The following LYPLAL1 variants were observed in gnomAD, a reference collection of about 807,000 sequenced individuals.
LYPLAL1 encodes the protein lysophospholipase-like protein 1.
LYPLAL1 carries 23 observed loss-of-function variants against 19.7 expected under a neutral mutation model. The ratio of observed to expected loss-of-function variants is 1.17; its 90% confidence interval spans 0.84 to 1.65. The LOEUF is 1.65. Among genes scored for constraint, LYPLAL1 ranks in the 40% most tolerant of loss-of-function variants. The probability of loss-of-function intolerance (pLI) is 0.00; values close to 1 mark genes in which losing one functional copy is unlikely to be tolerated. For synonymous variants in LYPLAL1, 119 were observed against 96.3 expected, an observed-to-expected ratio of 1.24 and a Z score of -1.38; for missense variants, 355 against 279.4, an observed-to-expected ratio of 1.27 and a Z score of -1.93.
the LYPLAL1 span, among the ~76,000 whole-genome samples, chr1:219,321,865 T>C: frequency 6.6e-6 from 1 of 152,186 alleles, no homozygotes; most frequent in Non-Finnish European, 1.5e-5. Context: ...CCTTTTTTAC[T>C]GGGTAATATA....
chr1:219,403,602 T>G, the LYPLAL1 span, among the ~76,000 whole-genome samples: 1 of 152,036 alleles, frequency 6.6e-6, no homozygotes, highest in Admixed American at 6.6e-5. Context: ...GTGGGGAGAT[T>G]TTGAGTAGAA....
chr1:219,363,056 A>G, the LYPLAL1 span, among the ~76,000 whole-genome samples: 2 of 152,168 alleles, frequency 1.3e-5, no homozygotes, highest in African/African-American at 4.8e-5. Flanking sequence ...CACCGTCTTC[A>G]TTGTTTTTAA....
At chr1:219,194,344 T>A (rs1380212285) in intron 3 of LYPLAL1, among the ~76,000 whole-genome samples, 2 of 151,570 alleles carry the variant, frequency 1.3e-5, no homozygotes, top group Non-Finnish European at 3.0e-5. Context: ...TATGAAGTAG[T>A]TAGAAGATAG....
the LYPLAL1 span, among the ~76,000 whole-genome samples, chr1:219,279,728 A>G: frequency 2.6e-5 from 4 of 152,206 alleles, no homozygotes; most frequent in African/African-American, 7.2e-5. Flanking sequence ...TAATTGTAGC[A>G]TGGCCATCCT....
chr1:219,362,989 T>C, the LYPLAL1 span, among the ~76,000 whole-genome samples: 3 of 152,086 alleles, frequency 2.0e-5, no homozygotes, highest in Non-Finnish European at 4.4e-5. Context: ...TATTGCTATA[T>C]ATGTTTTTCC....
the LYPLAL1 span, among the ~76,000 whole-genome samples, chr1:219,440,779 T>A: frequency 2.0e-5 from 3 of 152,182 alleles, no homozygotes; most frequent in African/African-American, 7.2e-5. Flanking sequence ...TATGGAAGGA[T>A]TCCAGGTAAC....
chr1:219,291,253 T>G, the LYPLAL1 span, among the ~76,000 whole-genome samples: 1 of 152,214 alleles, frequency 6.6e-6, no homozygotes, highest in Non-Finnish European at 1.5e-5. Context: ...TGTTACATAA[T>G]GCAAGACCAA....
intron 3 of LYPLAL1, among the ~76,000 whole-genome samples, chr1:219,207,259 C>T (rs549669409): frequency 6.6e-6 from 1 of 152,074 alleles, no homozygotes; most frequent in Admixed American, 6.5e-5. Context: ...ACCCATTTTA[C>T]TTAATTTTGA....
the LYPLAL1 span, among the ~76,000 whole-genome samples, chr1:219,322,306 C>G: frequency 6.6e-6 from 1 of 152,072 alleles, no homozygotes; most frequent in Admixed American, 6.6e-5. Flanking sequence ...TGTATCCACA[C>G]TAATTAAAAG....
At chr1:219,274,218 C>T in the LYPLAL1 span, among the ~76,000 whole-genome samples, 2 of 152,158 alleles carry the variant, frequency 1.3e-5, no homozygotes, top group Non-Finnish European at 2.9e-5. Flanking sequence ...GCACTGAAAA[C>T]AGCATGCCCA....
At chr1:219,416,957 G>A in the LYPLAL1 span, among the ~76,000 whole-genome samples, 1 of 152,162 alleles carries the variant, frequency 6.6e-6, no homozygotes, top group African/African-American at 2.4e-5. Flanking sequence ...AGGCTACAGA[G>A]GCAAAGTGCC....
At chr1:219,319,817 T>C in the LYPLAL1 span, among the ~76,000 whole-genome samples, 2 of 152,190 alleles carry the variant, frequency 1.3e-5, no homozygotes, top group African/African-American at 4.8e-5. Context: ...AAATGAAAAC[T>C]CTGTCATCCT....
chr1:219,385,194 C>T, the LYPLAL1 span, among the ~76,000 whole-genome samples: 4 of 152,146 alleles, frequency 2.6e-5, no homozygotes, highest in Non-Finnish European at 4.4e-5. Context: ...GGAGAATACA[C>T]CTTCCATTGG....
At chr1:219,312,983 C>G in the LYPLAL1 span, among the ~76,000 whole-genome samples, 1 of 152,208 alleles carries the variant, frequency 6.6e-6, no homozygotes, top group Non-Finnish European at 1.5e-5. Context: ...TTCCTGTCTT[C>G]TAACATCTCT....
chr1:219,260,312 A>C, the LYPLAL1 span, among the ~76,000 whole-genome samples: 2 of 151,816 alleles, frequency 1.3e-5, no homozygotes, highest in Admixed American at 6.6e-5. Flanking sequence ...GTATTAATGG[A>C]AGGGTCAAAG....
At chr1:219,300,004 A>T in the LYPLAL1 span, among the ~76,000 whole-genome samples, 3 of 152,176 alleles carry the variant, frequency 2.0e-5, no homozygotes, top group African/African-American at 7.2e-5. Context: ...TTTGAGACAG[A>T]GTCTCGCTCT....
chr1:219,284,833 C>A, the LYPLAL1 span, among the ~76,000 whole-genome samples: 168 of 152,344 alleles, frequency 1.1e-3, 2 homozygotes, highest in Non-Finnish European at 8.7e-4. Flanking sequence ...TTCCCCAACT[C>A]TCCTCTGTGC....
the LYPLAL1 span, among the ~76,000 whole-genome samples, chr1:219,396,350 T>A: frequency 4.6e-5 from 7 of 152,308 alleles, no homozygotes; most frequent in African/African-American, 1.4e-4. Context: ...TGTAGTATAG[T>A]TTGAAATTGC....
At chr1:219,226,698 A>G in the LYPLAL1 span, among the ~76,000 whole-genome samples, 1 of 152,180 alleles carries the variant, frequency 6.6e-6, no homozygotes, top group Admixed American at 6.5e-5. Context: ...CTTGTGTGCA[A>G]TAGATATTCA....
Sources: allele counts gnomAD v4.1 joint callset (sites outside exome capture counted in the v4.1 genomes callset), GRCh38; gene constraint gnomAD v4.1.1; transcripts MANE v1.5; gene names NCBI Gene and HGNC (gene_info 2026-07-23, HGNC 2026-07-21).